METTL8: variants seen among roughly 807,000 people sequenced by gnomAD.
The protein encoded by METTL8 is methyltransferase 8, tRNA N3-cytidine.
METTL8 carries 32 observed loss-of-function variants against 48.7 expected under a neutral mutation model. That is an observed-to-expected ratio of 0.66 (90% CI 0.50 to 0.88). The LOEUF is 0.88. Among genes scored for constraint, METTL8 ranks in the 40% least tolerant of loss-of-function variants. The pLI is 0.00. For missense variants in METTL8, 464 were observed against 474.4 expected (o/e 0.98, Z 0.20); for synonymous variants, 136 against 157.1 (o/e 0.87, Z 1.01).
At chr2:171,418,246 T>C (rs567086447) in intron 1 of METTL8, among the ~76,000 whole-genome samples, 1 of 152,242 alleles carries the variant, frequency 6.6e-6, no homozygotes, top group African/African-American at 2.4e-5. Context: ...CCCGGCCATG[T>C]CATCATATCT....
intron 3 of METTL8, among the ~76,000 whole-genome samples, chr2:171,351,097 G>A (rs969157360): frequency 1.3e-5 from 2 of 152,124 alleles, no homozygotes; most frequent in Non-Finnish European, 2.9e-5. Flanking sequence ...ATGGTTTTAG[G>A]ACTAACATTT....
At chr2:171,342,534 C>T (rs1022243080) in intron 3 of METTL8, among the ~76,000 whole-genome samples, 1 of 152,036 alleles carries the variant, frequency 6.6e-6, no homozygotes, top group African/African-American at 2.4e-5. Context: ...AAATGACACT[C>T]TGAAAATCAG....
At chr2:171,333,918 T>C (rs1270779049) in intron 5 of METTL8, among the ~76,000 whole-genome samples, 3 of 152,310 alleles carry the variant, frequency 2.0e-5, no homozygotes, top group South Asian at 2.1e-4. Context: ...TGGATTCTTA[T>C]AGCTAAAGTT....
intron 1 of METTL8, among the ~76,000 whole-genome samples, chr2:171,429,742 A>T (rs1692791111): frequency 6.6e-6 from 1 of 152,204 alleles, no homozygotes; most frequent in African/African-American, 2.4e-5. Context: ...TTATTTGGGT[A>T]TAAGAAATAC....
At chr2:171,328,089 T>C (rs1685139674) in intron 7 of METTL8, among the ~76,000 whole-genome samples, 1 of 152,176 alleles carries the variant, frequency 6.6e-6, no homozygotes, top group Non-Finnish European at 1.5e-5. Context: ...CCCGAGCCAA[T>C]TCCTGAGAAC....
At chr2:171,348,330 T>A (rs959961271) in intron 3 of METTL8, among the ~76,000 whole-genome samples, 4 of 152,214 alleles carry the variant, frequency 2.6e-5, no homozygotes, top group Admixed American at 6.5e-5. Flanking sequence ...TGCAGCAGTC[T>A]TTGTTGCAAC....
At chr2:171,413,260 C>G (rs968170290) in intron 1 of METTL8, among the ~76,000 whole-genome samples, 11 of 152,186 alleles carry the variant, frequency 7.2e-5, no homozygotes, top group Admixed American at 4.6e-4. Context: ...TACCCATATT[C>G]ATCTGAAGAG....
In METTL8 at chr2:171,422,811, A is replaced by G. The variant is rs1692006933; in HGVS notation, c.-13+11072T>C. Among the ~76,000 whole-genome samples the G allele has an allele frequency of 2.0e-5, 3 of 152,220 alleles. 1 individual carries two copies. The South Asian group carries it at 6.2e-4, about 32-fold the overall frequency. On this transcript the variant is annotated intron_variant, in intron 1 of 9. Transcript: ENST00000375258. ...CAAAAACTTAAGTCTGACAATACAA[A>G]TGCAGGCAAGGATGTAAAGTAATGG...
chr2:171,380,578 A>C (rs925494798), intron 2 of METTL8, among the ~76,000 whole-genome samples: 4 of 152,210 alleles, frequency 2.6e-5, no homozygotes, highest in African/African-American at 4.8e-5. Context: ...ATGTGCAAAA[A>C]TCACAAGCAT....
intron 3 of METTL8, among the ~76,000 whole-genome samples, chr2:171,354,235 T>C (rs1684271674): frequency 1.3e-5 from 2 of 152,226 alleles, no homozygotes; most frequent in South Asian, 4.1e-4. Context: ...TTTGGCTGGA[T>C]ATGAAATTCT....
Position 171,339,239 on chromosome 2 carries a change from C to T in METTL8, c.551G>A (p.Gly184Glu). The T allele has an allele frequency of 6.2e-7, 1 of 1,605,138 alleles. No individual in the cohort carries two copies. The highest frequency in any genetic ancestry group is 8.5e-7 in the Non-Finnish European group (1 of 1,175,644). ...AGGAAACAATCCAGTCTCCATAGGT[C>T]CTTTTTTGTGTTTTTCAGAGTCTAG... is the stretch of plus-strand genomic sequence containing the variant. ...SNLDSEKHKKGPMETGLFPGS... is the reference protein window; with the variant it reads ...SNLDSEKHKKEPMETGLFPGS... The change falls in exon 4 of 10, where the codon GGA (glycine) becomes GAA (glutamate). Residue 184 changes from glycine to glutamate, a missense_variant. By Grantham distance (98) the Gly-to-Glu change is moderately conservative. Coordinates refer to ENST00000375258, the MANE Select transcript of METTL8 (RefSeq NM_001321154.2).
At chr2:171,391,914 G>A in intron 2 of METTL8, 129 bp downstream of exon 2, 1 of 879,424 alleles carries the variant, frequency 1.1e-6, no homozygotes, top group Non-Finnish European at 1.7e-6. Flanking sequence ...GGTTACCCTA[G>A]CTTTTGGACC....
At chr2:171,425,531 G>T (rs1233953329) in intron 1 of METTL8, among the ~76,000 whole-genome samples, 1 of 152,200 alleles carries the variant, frequency 6.6e-6, no homozygotes, top group Non-Finnish European at 1.5e-5. Context: ...GCAGGGAATA[G>T]TGGGCAACGT....
chr2:171,400,162 C>T (rs1449756724), intron 1 of METTL8, among the ~76,000 whole-genome samples: 1 of 151,814 alleles, frequency 6.6e-6, no homozygotes, highest in East Asian at 1.9e-4. Context: ...AAGAAAAAAA[C>T]CTATAAAGGA....
chr2:171,336,396 CTTTTT>C (rs146097512), intron 5 of METTL8, among the ~76,000 whole-genome samples: 7 of 80,772 alleles, frequency 8.7e-5, no homozygotes, highest in Admixed American at 3.0e-4. Context: ...CGCCCGACTG[CTTTTT>C]TTTTTTTTTT....
At chr2:171,410,802 A>G (rs1277865588) in intron 1 of METTL8, among the ~76,000 whole-genome samples, 2 of 152,216 alleles carry the variant, frequency 1.3e-5, no homozygotes. Context: ...ACTCATTAAG[A>G]TACAGCTTCT....
At chr2:171,348,241 A>G (rs2105440724) in intron 3 of METTL8, among the ~76,000 whole-genome samples, 1 of 152,294 alleles carries the variant, frequency 6.6e-6, no homozygotes, top group East Asian at 1.9e-4. Context: ...TGATCAATCT[A>G]GAAACAAAAT....
chr2:171,339,610 A>G, intron 3 of METTL8, 56 bp from the exon 4 acceptor site: 1 of 966,420 alleles, frequency 1.0e-6, no homozygotes, highest in Non-Finnish European at 1.5e-6. Flanking sequence ...ATTTACTATT[A>G]GCTACTGTCT....
intron 2 of METTL8, among the ~76,000 whole-genome samples, chr2:171,385,829 C>T (rs1687998142): frequency 6.6e-6 from 1 of 152,324 alleles, no homozygotes; most frequent in East Asian, 1.9e-4. Context: ...GTCAGGTTTG[C>T]TTTTATCTTT....
Sources: gnomAD v4.1 joint callset for allele counts (sites outside exome capture counted in the v4.1 genomes callset) on GRCh38, gnomAD v4.1.1 for gene constraint, MANE v1.5 for transcripts, NCBI Gene and HGNC (gene_info 2026-07-23, HGNC 2026-07-21) for gene names.